Variants in STK32B observed in about 807,000 individuals in gnomAD.
STK32B encodes serine/threonine kinase 32B.
In STK32B, 43 loss-of-function variants were observed where a neutral mutation model predicts 52.6. The ratio of observed to expected loss-of-function variants is 0.82; its 90% CI spans 0.64 to 1.05. The LOEUF is 1.05. Ranked by LOEUF, STK32B falls within the 50% of genes least tolerant of loss-of-function variation. The probability of loss-of-function intolerance (pLI) is 0.00; values close to 1 mark genes in which losing one functional copy is unlikely to be tolerated. For missense variants in STK32B, 621 were observed against 534.6 expected (o/e 1.16, Z -1.59); for synonymous variants, 238 against 204.3 (o/e 1.17, Z -1.41).
chr4:5,317,177 A>ATATTATCTATAAC (rs1553871612), intron 3 of STK32B, among the ~76,000 whole-genome samples: 1 of 46,534 alleles, frequency 2.1e-5, no homozygotes, highest in African/African-American at 2.6e-4. Flanking sequence ...TATAACATAT[A>ATATTATCTATAAC]ATATATATAT....
intron 1 of STK32B, among the ~76,000 whole-genome samples, chr4:5,099,345 C>T (rs547511294): frequency 6.6e-6 from 1 of 152,188 alleles, no homozygotes; most frequent in Admixed American, 6.5e-5. Flanking sequence ...TCTTTGGGGA[C>T]CTTATTCTGC....
At chr4:5,330,031 C>T (rs1475105824) in intron 3 of STK32B, among the ~76,000 whole-genome samples, 1 of 152,176 alleles carries the variant, frequency 6.6e-6, no homozygotes. Flanking sequence ...AACATCCCCA[C>T]AGTGTATGGT....
At chr4:5,144,905 T>G (rs185069341) in intron 2 of STK32B, among the ~76,000 whole-genome samples, 1 of 152,276 alleles carries the variant, frequency 6.6e-6, no homozygotes, top group African/African-American at 2.4e-5. Context: ...CCAGATATGG[T>G]GCCTGCCTTT....
intron 1 of STK32B, among the ~76,000 whole-genome samples, chr4:5,062,441 G>C (rs1742251294): frequency 6.6e-6 from 1 of 152,160 alleles, no homozygotes; most frequent in African/African-American, 2.4e-5. Flanking sequence ...GAAGCTCCTT[G>C]AATGTCCTCC....
chr4:5,078,962 GT>G (rs529611274), intron 1 of STK32B, among the ~76,000 whole-genome samples: 2 of 152,098 alleles, frequency 1.3e-5, no homozygotes, highest in South Asian at 2.1e-4. Context: ...AAGTAAAATT[GT>G]TTTTTTATAT....
intron 4 of STK32B, among the ~76,000 whole-genome samples, chr4:5,344,773 A>C (rs959129764): frequency 6.6e-6 from 1 of 152,070 alleles, no homozygotes; most frequent in African/African-American, 2.4e-5. Flanking sequence ...CTTTAGTTAA[A>C]ACAGTTTTAT....
At chr4:5,281,943 T>C (rs1459405787) in intron 3 of STK32B, among the ~76,000 whole-genome samples, 1 of 152,190 alleles carries the variant, frequency 6.6e-6, no homozygotes, top group Non-Finnish European at 1.5e-5. Context: ...TTTAAAAAAT[T>C]GATTTACCTA....
At chr4:5,373,299 A>T (rs1735375185) in intron 4 of STK32B, among the ~76,000 whole-genome samples, 2 of 152,336 alleles carry the variant, frequency 1.3e-5, no homozygotes, top group East Asian at 3.9e-4. Flanking sequence ...AAGTCCCAAG[A>T]TCTGCAGTGG....
chr4:5,198,254 A>G (rs1420659425), intron 3 of STK32B, among the ~76,000 whole-genome samples: 1 of 152,200 alleles, frequency 6.6e-6, no homozygotes, highest in Non-Finnish European at 1.5e-5. Context: ...ACACTCTATC[A>G]AAAAACTTTT....
chr4:5,139,046 A>G (rs549378347), intron 1 of STK32B, among the ~76,000 whole-genome samples: 1 of 152,182 alleles, frequency 6.6e-6, no homozygotes, highest in Non-Finnish European at 1.5e-5. Context: ...TGGAAGAGTC[A>G]GGTGAGGATG....
intron 3 of STK32B, among the ~76,000 whole-genome samples, chr4:5,282,546 C>T (rs1427027219): frequency 6.6e-6 from 1 of 150,618 alleles, no homozygotes; most frequent in Non-Finnish European, 1.5e-5. Flanking sequence ...TGTACTAATG[C>T]TTCTTCTTCT....
intron 11 of STK32B, among the ~76,000 whole-genome samples, chr4:5,479,838 C>T (rs761489796): frequency 2.0e-5 from 3 of 152,164 alleles, no homozygotes; most frequent in Admixed American, 6.5e-5. Flanking sequence ...TCTGTGTTTG[C>T]GGTTTTTTGG....
chr4:5,223,812 G>A (rs1264482578), intron 3 of STK32B, among the ~76,000 whole-genome samples: 1 of 81,510 alleles, frequency 1.2e-5, no homozygotes, highest in Non-Finnish European at 2.3e-5. Context: ...GCAAGACTCC[G>A]TTTCAAAAAA....
At chr4:5,149,455 G>A (rs939626471) in intron 2 of STK32B, among the ~76,000 whole-genome samples, 4 of 151,688 alleles carry the variant, frequency 2.6e-5, no homozygotes, top group Admixed American at 6.6e-5. Flanking sequence ...TTAAAACTAT[G>A]TTTTAATTTA....
At chr4:5,372,784 T>C (rs1312608636) in intron 4 of STK32B, among the ~76,000 whole-genome samples, 4 of 151,930 alleles carry the variant, frequency 2.6e-5, no homozygotes, top group Non-Finnish European at 5.9e-5. Flanking sequence ...CGCATCAGTA[T>C]TTCTTTCTTG....
intron 3 of STK32B, among the ~76,000 whole-genome samples, chr4:5,194,051 G>A (rs1291627896): frequency 3.9e-5 from 6 of 152,164 alleles, no homozygotes; most frequent in East Asian, 1.9e-4. Context: ...CAGGGAGGCC[G>A]TCCCAAACCA....
chr4:5,043,555 C>T, the STK32B span, among the ~76,000 whole-genome samples: 3 of 152,212 alleles, frequency 2.0e-5, no homozygotes, highest in South Asian at 6.2e-4. Context: ...ATCTTAGCAG[C>T]CTGCTCTCTT....
At chr4:5,300,401 T>C (rs1729480813) in intron 3 of STK32B, among the ~76,000 whole-genome samples, 1 of 152,172 alleles carries the variant, frequency 6.6e-6, no homozygotes, top group Non-Finnish European at 1.5e-5. Flanking sequence ...TCACCACTAC[T>C]ATTCCACATA....
At chr4:5,161,267 A>G (rs1323011159) in intron 2 of STK32B, among the ~76,000 whole-genome samples, 3 of 152,212 alleles carry the variant, frequency 2.0e-5, no homozygotes, top group Non-Finnish European at 2.9e-5. Context: ...CATGGGATTT[A>G]TGTGCTGTGA....
Sources: allele counts gnomAD v4.1 joint callset (sites outside exome capture counted in the v4.1 genomes callset), GRCh38; gene constraint gnomAD v4.1.1; transcripts MANE v1.5; gene names NCBI Gene and HGNC (gene_info 2026-07-23, HGNC 2026-07-21).